Variants in TTC3 observed in about 807,000 individuals in gnomAD.
The protein encoded by TTC3 is E3 ubiquitin-protein ligase TTC3.
Under a neutral mutation model 249.6 loss-of-function variants are expected in TTC3, and 180 were observed. The observed-to-expected ratio is 0.72, with a 90% CI of 0.64 to 0.82. The LOEUF (loss-of-function observed/expected upper bound fraction) is 0.82, where lower values mean the gene tolerates loss of function less well. TTC3 is among the 40% of genes least tolerant of loss of function. TTC3 has a pLI of 0.00. For synonymous variants in TTC3, 717 were observed against 805.0 expected (o/e 0.89, Z 1.85); for missense variants, 2,061 against 2,398.4 (o/e 0.86, Z 2.94).
intron 10 of TTC3, chr21:37,098,115 T>C (rs1024410668): frequency 1.9e-6 from 1 of 516,886 alleles, no homozygotes; most frequent in African/African-American, 2.0e-5. Flanking sequence ...TCAATACCAC[T>C]GTCCTCAACG....
In TTC3 at chr21:37,162,067, A is replaced by G; in HGVS notation, c.3170+4A>G. On this transcript the variant is annotated splice_donor_region_variant and intron_variant, in intron 31 of 45. Coordinates refer to ENST00000355666, the Ensembl canonical transcript of TTC3. Reference sequence around the variant, plus strand: ...TCACTTCAAGTGAAGACCATAGGTAAGTATAATTTTTAAATTTTTGCTTCA... The same window carrying G: ...TCACTTCAAGTGAAGACCATAGGTAGGTATAATTTTTAAATTTTTGCTTCA... The G allele has an allele frequency of 6.6e-7, 1 of 1,525,324 alleles. No homozygotes were observed. The highest frequency in any genetic ancestry group is 8.9e-7 in the Non-Finnish European group (1 of 1,128,338). 94.5% of individuals were successfully genotyped at this position (1,525,324 alleles called of 1,614,324 possible).
At chr21:37,149,712 T>C (rs563491404) in intron 23 of TTC3, among the ~76,000 whole-genome samples, 1 of 152,310 alleles carries the variant, frequency 6.6e-6, no homozygotes, top group South Asian at 2.1e-4. Context: ...GCTCTATTCC[T>C]TGTTTCTCAA....
At chr21:37,198,871 G>A (rs2085203460) in intron 44 of TTC3, among the ~76,000 whole-genome samples, 1 of 151,688 alleles carries the variant, frequency 6.6e-6, no homozygotes, top group Admixed American at 6.6e-5. Flanking sequence ...TATTGTGGTT[G>A]TCCTTTTTTT....
chr21:37,135,651 G>A, intron 18 of TTC3, 137 bp downstream of exon 18: 1 of 1,034,638 alleles, frequency 9.7e-7, no homozygotes, highest in Non-Finnish European at 1.4e-6. Flanking sequence ...TTCAGGTTAT[G>A]GGAAGCAGGT....
At chr21:37,197,494 G>C in intron 42 of TTC3, 76 bp from the exon 43 acceptor site, 1 of 1,574,522 alleles carries the variant, frequency 6.4e-7, no homozygotes, top group Non-Finnish European at 8.7e-7. Context: ...TGGGCTGTTG[G>C]ATTAATATTG....
At chr21:37,159,133 G>A (rs995519827) in intron 28 of TTC3, among the ~76,000 whole-genome samples, 1 of 152,154 alleles carries the variant, frequency 6.6e-6, no homozygotes, top group Non-Finnish European at 1.5e-5. Context: ...ACTACTGACT[G>A]TGCCCAAACC....
rs530586443 is a variant in TTC3, at chr21:37,170,627, AT to A, written c.4468-1965del. Reference sequence around the variant, plus strand: ...CTATAAAATGAAATATCATGCTGTCATTTAAAAAGCAGTTCTATAGTTAGAT... The same window carrying A: ...CTATAAAATGAAATATCATGCTGTCATTAAAAAGCAGTTCTATAGTTAGAT... On this transcript the variant is annotated intron_variant, in intron 34 of 45. Coordinates refer to ENST00000355666, the Ensembl canonical transcript of TTC3. Among the ~76,000 whole-genome samples, 69 of 152,354 alleles carry A rather than the reference AT, an allele frequency of 4.5e-4. 1 individual carries two copies. In the South Asian group the frequency reaches 0.01, roughly 22 times the overall value.
intron 41 of TTC3, chr21:37,193,714 C>A (rs922683247): frequency 2.0e-5 from 3 of 152,214 alleles, no homozygotes; most frequent in Admixed American, 2.0e-4. Flanking sequence ...CTCATTCATT[C>A]ATTCGGTAAT....
At chr21:37,188,696 A>G (rs1817799313) in intron 39 of TTC3, 101 bp downstream of exon 39, 1 of 747,974 alleles carries the variant, frequency 1.3e-6, no homozygotes, top group Non-Finnish European at 2.1e-6. Flanking sequence ...TTTATTTTTA[A>G]TAGTTATATA....
chr21:37,123,541 C>T (rs1032816267), intron 13 of TTC3, among the ~76,000 whole-genome samples: 1 of 152,186 alleles, frequency 6.6e-6, no homozygotes, highest in African/African-American at 2.4e-5. Context: ...AGCCAGGGTT[C>T]TACCTTTACT....
At chr21:37,077,049 C>A (rs988546754) in intron 1 of TTC3, among the ~76,000 whole-genome samples, 5 of 151,820 alleles carry the variant, frequency 3.3e-5, no homozygotes. Context: ...CTCTTTTAAT[C>A]CTGGCACTTC....
At chr21:37,108,897 A>T (rs994743112) in intron 11 of TTC3, among the ~76,000 whole-genome samples, 14 of 152,170 alleles carry the variant, frequency 9.2e-5, no homozygotes, top group Admixed American at 8.5e-4. Context: ...CATAGATGAA[A>T]TAGTAGTTTG....
At chr21:37,081,503 G>A (rs1349370819) in intron 1 of TTC3, 1 of 152,088 alleles carries the variant, frequency 6.6e-6, no homozygotes, top group Non-Finnish European at 1.5e-5. Flanking sequence ...TCACTTCTAA[G>A]TCTAGATAGA....
intron 41 of TTC3, among the ~76,000 whole-genome samples, chr21:37,194,217 C>T (rs2084579300): frequency 6.6e-6 from 1 of 152,180 alleles, no homozygotes; most frequent in Non-Finnish European, 1.5e-5. Flanking sequence ...CATGGCTTCG[C>T]TTTCCGTGGT....
At chr21:37,091,706 C>T (rs568604547) in intron 7 of TTC3, 119 of 157,198 alleles carry the variant, frequency 7.6e-4, no homozygotes, top group Non-Finnish European at 1.3e-3. Context: ...CTCAGCCTCC[C>T]GAGTAGTTGA....
At chr21:37,122,640 A>G (rs1282768801) in intron 12 of TTC3, among the ~76,000 whole-genome samples, 1 of 151,812 alleles carries the variant, frequency 6.6e-6, no homozygotes, top group Non-Finnish European at 1.5e-5. Context: ...TGAGCTGAAC[A>G]GCTCTGTTTG....
chr21:37,114,927 C>T (rs2075996821), intron 11 of TTC3, among the ~76,000 whole-genome samples: 1 of 151,954 alleles, frequency 6.6e-6, no homozygotes, highest in Non-Finnish European at 1.5e-5. Flanking sequence ...CAAACTGTTG[C>T]AGGGACAAAA....
intron 11 of TTC3, among the ~76,000 whole-genome samples, chr21:37,117,288 C>T (rs1344047789): frequency 6.6e-6 from 1 of 152,094 alleles, no homozygotes; most frequent in African/African-American, 2.4e-5. Context: ...TTATTTTACA[C>T]ATGAAGCAAT....
chr21:37,142,847 A>G (rs952226188), intron 20 of TTC3, among the ~76,000 whole-genome samples: 1 of 152,218 alleles, frequency 6.6e-6, no homozygotes, highest in Non-Finnish European at 1.5e-5. Flanking sequence ...TTCAAACTAT[A>G]CTACAAGGCT....
Sources: gnomAD v4.1 joint callset for allele counts (sites outside exome capture counted in the v4.1 genomes callset) on GRCh38, gnomAD v4.1.1 for gene constraint, MANE v1.5 for transcripts, NCBI Gene and HGNC (gene_info 2026-07-23, HGNC 2026-07-21) for gene names.